The following FAM193A variants were observed in gnomAD, a reference collection of about 807,000 sequenced individuals.
FAM193A encodes the protein protein FAM193A.
In FAM193A, 22 loss-of-function variants were observed where a neutral mutation model predicts 126.5. That is an observed-to-expected ratio of 0.17 (90% CI 0.12 to 0.25). The LOEUF is 0.25. FAM193A is among the 10% of genes least tolerant of loss of function. The pLI, the probability that FAM193A is intolerant of heterozygous loss-of-function variation, is 1.00. For synonymous variants in FAM193A, 761 were observed against 646.8 expected (o/e 1.18, Z -2.68); for missense variants, 1,675 against 1,672.8 (o/e 1.00, Z -0.02).
chr4:2,555,765 C>T (rs1488228723), intron 1 of FAM193A, among the ~76,000 whole-genome samples: 2 of 151,260 alleles, frequency 1.3e-5, no homozygotes, highest in Non-Finnish European at 2.9e-5. Flanking sequence ...CTACAGGCGC[C>T]CACCACCACA....
intron 5 of FAM193A, among the ~76,000 whole-genome samples, chr4:2,633,197 A>G (rs1244881443): frequency 6.6e-6 from 1 of 152,118 alleles, no homozygotes; most frequent in Non-Finnish European, 1.5e-5. Context: ...CAGGAGTTCA[A>G]GACCAGCCTG....
At chr4:2,636,183 C>T (rs1222204078) in intron 5 of FAM193A, among the ~76,000 whole-genome samples, 1 of 151,920 alleles carries the variant, frequency 6.6e-6, no homozygotes, top group Non-Finnish European at 1.5e-5. Context: ...CCTGCCTCAG[C>T]CTCCCGAGTA....
At chr4:2,607,762 G>T in intron 2 of FAM193A, 1 of 476,140 alleles carries the variant, frequency 2.1e-6, no homozygotes, top group Non-Finnish European at 3.7e-6. Flanking sequence ...CATCTGAATG[G>T]GGTCCTCGGA....
intron 1 of FAM193A, among the ~76,000 whole-genome samples, chr4:2,565,423 A>C (rs1209433623): frequency 6.6e-6 from 1 of 151,830 alleles, no homozygotes; most frequent in Non-Finnish European, 1.5e-5. Flanking sequence ...CCACCCGGCT[A>C]ATTTTTGTAT....
intron 13 of FAM193A, among the ~76,000 whole-genome samples, chr4:2,685,871 T>G (rs1715679658): frequency 6.6e-6 from 1 of 152,244 alleles, no homozygotes; most frequent in Admixed American, 6.5e-5. Flanking sequence ...GAGCTTTCAT[T>G]TAAAGCAACA....
chr4:2,657,139 G>T (rs1466214853), intron 7 of FAM193A, among the ~76,000 whole-genome samples: 2 of 152,222 alleles, frequency 1.3e-5, no homozygotes, highest in African/African-American at 4.8e-5. Context: ...CTGCACTCCA[G>T]CTTGGGTGAT....
In FAM193A at chr4:2,626,451, A is replaced by T; in HGVS notation, c.677A>T (p.Gln226Leu). ...AEADREPQQL[Q>L]NYWSEVRYTV... is the part of the protein sequence containing the mutation. ...GCGGACCGGGAACCTCAGCAGCTGC[A>T]GAACTACTGGTCAGAAGTGCGCTAC... Residue 226 changes from glutamine (Q) to leucine (L), a missense_variant, in exon 4 of 21, where the codon CAG becomes CTG. By Grantham distance (113) the Gln-to-Leu change is moderately radical. Around this residue, in one of 4 missense-constraint regions of FAM193A, gnomAD observed 1,186 missense variants for 1,109.2 expected, o/e 1.07. Transcript: ENST00000637812. The T allele has an allele frequency of 1.4e-6, 1 of 700,898 alleles. No individual in the cohort carries two copies. The highest frequency in any genetic ancestry group is 2.4e-4 in the Middle Eastern group (1 of 4,232). 43.4% of individuals were successfully genotyped at this position (700,898 alleles called of 1,614,324 possible). A position where few individuals can be genotyped will look rare whatever the true frequency, so the allele number is the denominator to read the frequency against.
chr4:2,646,328 C>G (rs992080873), intron 6 of FAM193A, among the ~76,000 whole-genome samples: 20 of 151,926 alleles, frequency 1.3e-4, no homozygotes, highest in African/African-American at 4.8e-4. Context: ...TGCCACCACA[C>G]CCGGCTAATT....
chr4:2,645,998 T>C (rs1319341994), intron 6 of FAM193A, among the ~76,000 whole-genome samples: 1 of 152,106 alleles, frequency 6.6e-6, no homozygotes, highest in Non-Finnish European at 1.5e-5. Flanking sequence ...AATAACTTTG[T>C]ATTCCCATAT....
chr4:2,541,923 T>C (rs549233996), intron 1 of FAM193A, among the ~76,000 whole-genome samples: 1 of 152,072 alleles, frequency 6.6e-6, no homozygotes, highest in South Asian at 2.1e-4. Flanking sequence ...TTCTGCCTCC[T>C]GAGTTCAAGT....
intron 5 of FAM193A, among the ~76,000 whole-genome samples, chr4:2,634,698 A>AGT: frequency 6.6e-6 from 1 of 152,230 alleles, no homozygotes; most frequent in African/African-American, 2.4e-5. Context: ...GAAAAATACT[A>AGT]GTGTTCAGCA....
At chr4:2,571,680 C>T (rs558577634) in intron 1 of FAM193A, among the ~76,000 whole-genome samples, 1 of 151,810 alleles carries the variant, frequency 6.6e-6, no homozygotes, top group East Asian at 2.0e-4. Context: ...AGCGGGATTA[C>T]AGGAGCGTGC....
rs533362493 is a variant in FAM193A at position 2,682,170 on chromosome 4, A to G, written c.2332-7336A>G. 1.8e-3 allele frequency among the ~76,000 whole-genome samples: 269 copies of G among 151,472 alleles called. 7 individuals carry two copies. In the South Asian group the frequency reaches 0.053, roughly 30 times the overall value. Reference sequence around the variant, plus strand: ...CGGCTAATTTTTTGTATATTTAGTAAAGACAGGGTTTCACCATGTTAGCCA... The same window carrying G: ...CGGCTAATTTTTTGTATATTTAGTAGAGACAGGGTTTCACCATGTTAGCCA... On this transcript the variant is annotated intron_variant, in intron 13 of 20. Coordinates refer to ENST00000637812, the MANE Select transcript of FAM193A (RefSeq NM_001366318.2).
chr4:2,674,396 T>C (rs151250132), intron 13 of FAM193A, among the ~76,000 whole-genome samples: 1 of 152,358 alleles, frequency 6.6e-6, no homozygotes, highest in African/African-American at 2.4e-5. Flanking sequence ...AAATGAGCTA[T>C]ATCAGAATTG....
chr4:2,720,476 A>G (rs1720007354), intron 20 of FAM193A, among the ~76,000 whole-genome samples: 1 of 152,036 alleles, frequency 6.6e-6, no homozygotes, highest in African/African-American at 2.4e-5. Context: ...ACATAGCAAG[A>G]TACTGTCTCT....
chr4:2,591,816 A>G (rs966588300), intron 1 of FAM193A, among the ~76,000 whole-genome samples: 2 of 152,164 alleles, frequency 1.3e-5, no homozygotes, highest in African/African-American at 4.8e-5. Context: ...CCCCATGCAC[A>G]CAGGCCACAG....
rs149787350 is a variant in FAM193A at position 2,609,329 on chromosome 4, C to T, written c.501+13000C>T. On this transcript the variant is annotated intron_variant, in intron 2 of 20. Coordinates refer to ENST00000637812, the MANE Select transcript of FAM193A (RefSeq NM_001366318.2). ...AATAGTTTTAGTCTGGTGGGAGATA[C>T]GGTGAGGGGATGGCACTTTGGGGTA... Among the ~76,000 whole-genome samples, 436 of 152,132 alleles carry T rather than the reference C, an allele frequency of 2.9e-3. 1 individual carries two copies. Among genetic ancestry groups the T allele is most frequent in the African/African-American group, 7.8e-3 (325 of 41,486 alleles).
At chr4:2,578,903 AGGTT>A (rs1254750419) in intron 1 of FAM193A, among the ~76,000 whole-genome samples, 2 of 151,574 alleles carry the variant, frequency 1.3e-5, no homozygotes, top group African/African-American at 2.4e-5. Context: ...GGAAGAGGAG[AGGTT>A]GGTCTTGCTG....
intron 7 of FAM193A, chr4:2,655,025 C>T (rs1711522926): frequency 1.5e-6 from 1 of 659,142 alleles, no homozygotes; most frequent in South Asian, 1.7e-5. Flanking sequence ...TCATCTTTTC[C>T]AGCATTTGTC....
Sources: gnomAD v4.1 joint callset for allele counts (sites outside exome capture counted in the v4.1 genomes callset) on GRCh38, gnomAD v4.1.1 for gene constraint, gnomAD v4.1.1 regional missense constraint, MANE v1.5 for transcripts, NCBI Gene and HGNC (gene_info 2026-07-23, HGNC 2026-07-21) for gene names.